The following POLB variants were observed in gnomAD, a reference collection of about 807,000 sequenced individuals.
POLB encodes the protein DNA polymerase beta, also known as 5'-dRP lyase.
POLB carries 37 observed loss-of-function variants against 52.7 expected under a neutral mutation model. The ratio of observed to expected loss-of-function variants is 0.70; its 90% confidence interval spans 0.54 to 0.92. POLB has a LOEUF of 0.92. Among genes scored for constraint, POLB ranks in the 40% least tolerant of loss-of-function variants. The pLI is 0.00. For synonymous variants in POLB, 138 were observed against 131.3 expected (o/e 1.05, Z -0.35); for missense variants, 313 against 400.8 (o/e 0.78, Z 1.87).
At position 42,367,432 on chromosome 8, in the gene POLB, G is replaced by A. The variant is rs946550203; in HGVS notation, c.709-1839G>A. 5.3e-5 allele frequency among the ~76,000 whole-genome samples: 8 copies of A among 152,128 alleles called. No individual in the cohort carries two copies. In the South Asian group the frequency reaches 1.7e-3, roughly 31 times the overall value. ...AGCTAAGCCGGTATCTGAGGGAAGA[G>A]ATAGCCAGGCAGGAGTCCGAGCACC... On this transcript the variant is annotated intron_variant, in intron 11 of 13. Coordinates refer to ENST00000265421, the MANE Select transcript of POLB (RefSeq NM_002690.3).
Position 42,355,124 on chromosome 8 carries a change from C to T in POLB, c.371-392C>T, listed in dbSNP as rs1205618910. ...CGCAATCTCGGCTCACTGCAGCTTC[C>T]ACCTCCCAGGTTCAAGCGATTCTCT... On this transcript the variant is annotated intron_variant, in intron 6 of 13. Coordinates refer to ENST00000265421, the MANE Select transcript of POLB (RefSeq NM_002690.3). Among the ~76,000 whole-genome samples, 3 of 151,802 alleles carry T rather than the reference C, an allele frequency of 2.0e-5. No homozygotes were observed. In the East Asian group the frequency reaches 5.8e-4, roughly 30 times the overall value.
intron 10 of POLB, among the ~76,000 whole-genome samples, chr8:42,362,133 G>A (rs192908389): frequency 4.6e-5 from 7 of 151,966 alleles, no homozygotes; most frequent in African/African-American, 9.7e-5. Context: ...GGTGGTGCGC[G>A]CCTGTAGTCC....
intron 6 of POLB, among the ~76,000 whole-genome samples, chr8:42,355,296 C>G (rs190723196): frequency 2.0e-5 from 3 of 152,260 alleles, no homozygotes; most frequent in African/African-American, 7.2e-5. Flanking sequence ...CCTCGGCCTC[C>G]CAAAGTGCTG....
At chr8:42,362,836 T>G (rs1823786753) in intron 11 of POLB, 138 bp downstream of exon 11, 1 of 575,250 alleles carries the variant, frequency 1.7e-6, no homozygotes, top group Admixed American at 3.4e-5. Context: ...AGAAAAATAA[T>G]AGCAGGGGCC....
At chr8:42,359,791 G>GT (rs139588312) in intron 9 of POLB, among the ~76,000 whole-genome samples, 56 of 145,274 alleles carry the variant, frequency 3.9e-4, no homozygotes, top group Admixed American at 8.3e-4. Context: ...CTTTGTTTTT[G>GT]TTTTTTTTTT....
At chr8:42,352,400 A>G (rs1181841878) in intron 5 of POLB, 119 bp from the exon 6 acceptor site, 2 of 725,482 alleles carry the variant, frequency 2.8e-6, no homozygotes, top group East Asian at 2.5e-5. Context: ...CAAAGTAGCC[A>G]TGCAACATTT....
At chr8:42,366,381 CAAG>C (rs1412098560) in intron 11 of POLB, among the ~76,000 whole-genome samples, 7 of 152,152 alleles carry the variant, frequency 4.6e-5, no homozygotes, top group Non-Finnish European at 2.9e-5. Flanking sequence ...GGCTAAAAAA[CAAG>C]AAGACTGGGT....
At chr8:42,352,689 T>G (rs1823047338) in intron 6 of POLB, 121 bp downstream of exon 6, 7 of 703,888 alleles carry the variant, frequency 9.9e-6, no homozygotes, top group African/African-American at 1.8e-5. Flanking sequence ...AGATAAGATT[T>G]TCTTTTTAAC....
chr8:42,371,526 T>C, intron 13 of POLB, 37 bp from the exon 14 acceptor site: 1 of 1,228,884 alleles, frequency 8.1e-7, no homozygotes, highest in South Asian at 1.2e-5. Context: ...ACTATAAAAC[T>C]GGTTCTTACA....
At chr8:42,348,020 T>A (rs1822743967) in intron 3 of POLB, among the ~76,000 whole-genome samples, 1 of 152,136 alleles carries the variant, frequency 6.6e-6, no homozygotes, top group African/African-American at 2.4e-5. Flanking sequence ...CACTATATAG[T>A]GCCCATCAAA....
At chr8:42,363,381 A>G (rs1321463455) in intron 11 of POLB, among the ~76,000 whole-genome samples, 1 of 150,186 alleles carries the variant, frequency 6.7e-6, no homozygotes, top group Non-Finnish European at 1.5e-5. Context: ...ACAAAAAATT[A>G]GCTGGGCGTG....
At chr8:42,364,692 T>C (rs1280009161) in intron 11 of POLB, among the ~76,000 whole-genome samples, 1 of 152,182 alleles carries the variant, frequency 6.6e-6, no homozygotes, top group Non-Finnish European at 1.5e-5. Flanking sequence ...AGTGCATAGA[T>C]TTGACAAGAG....
intron 6 of POLB, 58 bp downstream of exon 6, chr8:42,352,626 G>T (rs374769691): frequency 1.6e-5 from 16 of 1,000,890 alleles, no homozygotes; most frequent in Non-Finnish European, 2.2e-5. Flanking sequence ...AGGACCATTA[G>T]TGCTCTAACA....
intron 2 of POLB, among the ~76,000 whole-genome samples, chr8:42,343,867 C>G (rs375453044): frequency 2.0e-5 from 3 of 151,856 alleles, no homozygotes; most frequent in Non-Finnish European, 4.4e-5. Flanking sequence ...CGTGGTGGCT[C>G]ACGCCTGTAA....
Position 42,362,608 on chromosome 8 carries a change from A to G in POLB, c.622-4A>G, listed in dbSNP as rs765152024. The G allele has an allele frequency of 1.5e-5, 24 of 1,579,626 alleles. No individual in the cohort carries two copies. The highest frequency in any genetic ancestry group is 1.2e-4 in the African/African-American group (9 of 74,108). On this transcript the variant is annotated splice_polypyrimidine_tract_variant and splice_region_variant and intron_variant, in intron 10 of 13. Coordinates refer to ENST00000265421, the MANE Select transcript of POLB (RefSeq NM_002690.3). Reference sequence around the variant, plus strand: ...TTTCTTATTCCCTAATTATGATTCTACAGCCAAAACTGTTACATCAGGTTG... The same window carrying G: ...TTTCTTATTCCCTAATTATGATTCTGCAGCCAAAACTGTTACATCAGGTTG...
chr8:42,366,060 A>G (rs1333477175), intron 11 of POLB, among the ~76,000 whole-genome samples: 2 of 152,010 alleles, frequency 1.3e-5, no homozygotes, highest in Non-Finnish European at 2.9e-5. Context: ...AGATTGTGCC[A>G]GTGCATTCCA....
intron 7 of POLB, 67 bp from the exon 8 acceptor site, chr8:42,357,102 G>T: frequency 1.2e-6 from 1 of 825,528 alleles, no homozygotes; most frequent in Non-Finnish European, 2.0e-6. Context: ...GTTATAAAAG[G>T]CAATTTAATT....
At chr8:42,345,916 A>G (rs1369998447) in intron 3 of POLB, among the ~76,000 whole-genome samples, 1 of 152,102 alleles carries the variant, frequency 6.6e-6, no homozygotes, top group Non-Finnish European at 1.5e-5. Flanking sequence ...TCAAATTATC[A>G]TGGCTTTTTT....
chr8:42,354,452 C>T (rs1056275667), intron 6 of POLB: 1 of 1,284,282 alleles, frequency 7.8e-7, no homozygotes, highest in African/African-American at 1.5e-5. Context: ...AAAGGGACAC[C>T]TGAATGGAAC....
Sources: allele counts gnomAD v4.1 joint callset (sites outside exome capture counted in the v4.1 genomes callset), GRCh38; gene constraint gnomAD v4.1.1; transcripts MANE v1.5; gene names NCBI Gene and HGNC (gene_info 2026-07-23, HGNC 2026-07-21).